The following CSNK1G1 variants were observed in gnomAD, a reference collection of about 807,000 sequenced individuals.
The protein encoded by CSNK1G1 is casein kinase 1 gamma 1.
A neutral mutation model predicts 59.6 loss-of-function variants in CSNK1G1; 22 were observed. That is an observed-to-expected ratio of 0.37 (90% confidence interval 0.26 to 0.53). The LOEUF (loss-of-function observed/expected upper bound fraction) is 0.53, where lower values mean the gene tolerates loss of function less well. Ranked by LOEUF, CSNK1G1 falls within the 20% of genes least tolerant of loss-of-function variation. CSNK1G1 has a pLI of 0.89. For synonymous variants in CSNK1G1, 179 were observed against 177.1 expected, an observed-to-expected ratio of 1.01 and a Z score of -0.08; for missense variants, 384 against 519.5, an observed-to-expected ratio of 0.74 and a Z score of 2.54.
Position 64,290,318 on chromosome 15 carries a change from T to C in CSNK1G1, c.181+10001A>G, listed in dbSNP as rs557691451. Among the ~76,000 whole-genome samples, 12 of 150,884 alleles carry C rather than the reference T, an allele frequency of 8.0e-5. 1 individual carries two copies. The highest frequency in any genetic ancestry group is 1.5e-4 in the African/African-American group (6 of 40,686). On this transcript the variant is annotated intron_variant, in intron 2 of 11. Coordinates refer to ENST00000303052, the MANE Select transcript of CSNK1G1 (RefSeq NM_022048.5). Reference sequence around the variant, plus strand: ...TCATGGATGATTTTATATATATATATACACATACACATACACACACACATT... The same window carrying C: ...TCATGGATGATTTTATATATATATACACACATACACATACACACACACATT...
chr15:64,321,103 T>G (rs905339028), intron 1 of CSNK1G1, among the ~76,000 whole-genome samples: 3 of 152,142 alleles, frequency 2.0e-5, no homozygotes, highest in African/African-American at 7.2e-5. Flanking sequence ...TAAGTTTAAT[T>G]CATTTCTGTT....
chr15:64,352,111 C>T (rs529139946), intron 1 of CSNK1G1, among the ~76,000 whole-genome samples: 2 of 151,698 alleles, frequency 1.3e-5, no homozygotes, highest in South Asian at 2.1e-4. Context: ...GTTAGAGAGC[C>T]GCCTGGCCAA....
At chr15:64,203,285 T>A in intron 9 of CSNK1G1, 96 bp from the exon 10 acceptor site, 1 of 824,356 alleles carries the variant, frequency 1.2e-6, no homozygotes, top group Non-Finnish European at 2.0e-6. Flanking sequence ...AGAGTAGTAG[T>A]AATTATTTTC....
intron 10 of CSNK1G1, among the ~76,000 whole-genome samples, chr15:64,198,889 G>A (rs1274125201): frequency 2.6e-5 from 4 of 151,896 alleles, no homozygotes; most frequent in African/African-American, 9.7e-5. Context: ...GTGGGAAGGC[G>A]TTATAACATT....
chr15:64,352,447 C>CTT lies in CSNK1G1; in HGVS notation c.-225+3539_-225+3540dup, dbSNP rs1165768581. ...ATCACAAAACATAATTTGAATTCTTCTTTTTTTTTTTTTTTTTTTGAGATG... is the reference window on the plus strand; with the variant it reads ...ATCACAAAACATAATTTGAATTCTTCTTTTTTTTTTTTTTTTTTTTTGAGATG... On this transcript the variant is annotated intron_variant, in intron 1 of 11. Transcript: ENST00000303052. Among the ~76,000 whole-genome samples, 449 of 89,422 alleles carry CTT rather than the reference C, an allele frequency of 5.0e-3. 48 individuals are homozygous for CTT. Among genetic ancestry groups the CTT allele is most frequent in the Non-Finnish European group, 6.3e-3 (307 of 49,068 alleles). 58.7% of individuals were successfully genotyped at this position (89,422 alleles called of 152,430 possible).
At chr15:64,177,257 T>C (rs2081752051) in intron 11 of CSNK1G1, among the ~76,000 whole-genome samples, 1 of 152,102 alleles carries the variant, frequency 6.6e-6, no homozygotes, top group Non-Finnish European at 1.5e-5. Context: ...ATCATCCCCT[T>C]CTACCCCACA....
intron 1 of CSNK1G1, among the ~76,000 whole-genome samples, chr15:64,326,979 G>C (rs1346468646): frequency 6.6e-6 from 1 of 150,946 alleles, no homozygotes; most frequent in East Asian, 2.0e-4. Flanking sequence ...CTTAAAAAAC[G>C]GCGCACCACG....
chr15:64,315,649 C>G (rs1052815414), intron 1 of CSNK1G1: 2 of 152,176 alleles, frequency 1.3e-5, no homozygotes, highest in African/African-American at 4.8e-5. Flanking sequence ...AAAGCCTGAG[C>G]CCTCCTCCCT....
At chr15:64,319,860 A>T (rs1363090133) in intron 1 of CSNK1G1, among the ~76,000 whole-genome samples, 1 of 152,090 alleles carries the variant, frequency 6.6e-6, no homozygotes, top group Non-Finnish European at 1.5e-5. Flanking sequence ...TTTTGAATAA[A>T]GCATAAAAGA....
chr15:64,281,130 C>T (rs569017748), intron 2 of CSNK1G1, among the ~76,000 whole-genome samples: 2 of 152,294 alleles, frequency 1.3e-5, no homozygotes, highest in South Asian at 4.1e-4. Context: ...CCGCCTGCCT[C>T]GGCGTCCCAA....
chr15:64,306,526 A>G (rs1041795649), intron 1 of CSNK1G1, among the ~76,000 whole-genome samples: 1 of 152,192 alleles, frequency 6.6e-6, no homozygotes, highest in Non-Finnish European at 1.5e-5. Context: ...ACTCTCATTC[A>G]CTGCTGGTGA....
At position 64,326,957 on chromosome 15, in the gene CSNK1G1, T is replaced by A. The variant is rs1896876690; in HGVS notation, c.-224-26234A>T. 2.0e-5 allele frequency among the ~76,000 whole-genome samples: 3 copies of A among 150,444 alleles called. No homozygotes were observed. In the South Asian group the frequency reaches 6.5e-4, roughly 33 times the overall value. ...GGTCACTCCCACCCGAATATTGCGC[T>A]TTTCAGACCGGCTTAAAAAACGGCG... On this transcript the variant is annotated intron_variant, in intron 1 of 11. Coordinates refer to ENST00000303052, the MANE Select transcript of CSNK1G1 (RefSeq NM_022048.5).
At chr15:64,185,068 T>C (rs906094129) in intron 10 of CSNK1G1, among the ~76,000 whole-genome samples, 3 of 152,220 alleles carry the variant, frequency 2.0e-5, no homozygotes, top group African/African-American at 7.2e-5. Flanking sequence ...AAAGGGAAAA[T>C]ATATTATCTT....
intron 1 of CSNK1G1, among the ~76,000 whole-genome samples, chr15:64,355,590 T>G (rs1459096338): frequency 6.6e-6 from 1 of 151,782 alleles, no homozygotes; most frequent in African/African-American, 2.4e-5. Flanking sequence ...CCCAGCGGGG[T>G]GGGTAGGGAA....
At chr15:64,204,382 G>C in intron 9 of CSNK1G1, 59 bp downstream of exon 9, 1 of 1,390,348 alleles carries the variant, frequency 7.2e-7, no homozygotes, top group Non-Finnish European at 9.8e-7. Context: ...GCATGAGGCA[G>C]TGCTGGTTGG....
intron 10 of CSNK1G1, among the ~76,000 whole-genome samples, chr15:64,183,134 C>T (rs1163935689): frequency 1.3e-5 from 2 of 152,188 alleles, no homozygotes; most frequent in Non-Finnish European, 2.9e-5. Flanking sequence ...TAGTAAGCAT[C>T]ACCACTGAGA....
intron 4 of CSNK1G1, among the ~76,000 whole-genome samples, chr15:64,229,070 TTTC>T (rs377738930): frequency 6.6e-6 from 1 of 152,010 alleles, no homozygotes; most frequent in African/African-American, 2.4e-5. Flanking sequence ...GTGGATATTT[TTTC>T]TTATCAACAT....
At chr15:64,172,371 A>T (rs2081682802) in intron 11 of CSNK1G1, among the ~76,000 whole-genome samples, 1 of 152,162 alleles carries the variant, frequency 6.6e-6, no homozygotes, top group African/African-American at 2.4e-5. Context: ...CTACTCCTTG[A>T]TACTGAGGGC....
Position 64,170,065 on chromosome 15 carries a change from G to A in CSNK1G1, c.*1866C>T, listed in dbSNP as rs553842334. 14 of 152,364 alleles carry A rather than the reference G, an allele frequency of 9.2e-5. No homozygotes were observed. Among genetic ancestry groups the A allele is most frequent in the African/African-American group, 3.4e-4 (14 of 41,576 alleles). The allele number at this position is 152,364 out of a possible 1,614,324, so 9.4% of individuals were successfully genotyped here. ...GACTAAGTCACCCACCAGCCACTGT[G>A]CTCCATGGTTAGCTCTCTACTCCCA... On this transcript the variant is annotated 3_prime_UTR_variant, in exon 12 of 12. Transcript: ENST00000303052.
Sources: gnomAD v4.1 joint callset for allele counts (sites outside exome capture counted in the v4.1 genomes callset) on GRCh38, gnomAD v4.1.1 for gene constraint, MANE v1.5 for transcripts, NCBI Gene and HGNC (gene_info 2026-07-23, HGNC 2026-07-21) for gene names.